ADCK1: variants seen among roughly 807,000 people sequenced by gnomAD.
The protein encoded by ADCK1 is aarF domain-containing protein kinase 1.
ADCK1 carries 41 observed loss-of-function variants against 52.3 expected under a neutral mutation model. The observed-to-expected ratio is 0.78, with a 90% confidence interval of 0.61 to 1.02. ADCK1 has a LOEUF of 1.02. Among genes scored for constraint, ADCK1 ranks in the 50% least tolerant of loss-of-function variants. The pLI, the probability that ADCK1 is intolerant of heterozygous loss-of-function variation, is 0.00. For missense variants in ADCK1, 658 were observed against 679.5 expected, an observed-to-expected ratio of 0.97 and a Z score of 0.35; for synonymous variants, 250 against 274.6, an observed-to-expected ratio of 0.91 and a Z score of 0.89.
chr14:77,814,587 A>G (rs1336463957), intron 1 of ADCK1, among the ~76,000 whole-genome samples: 5 of 148,284 alleles, frequency 3.4e-5, no homozygotes, highest in Non-Finnish European at 7.4e-5. Flanking sequence ...AAATTAGCCC[A>G]CTCCGGAGGC....
intron 7 of ADCK1, among the ~76,000 whole-genome samples, chr14:77,912,322 C>T (rs185799170): frequency 1.3e-5 from 2 of 152,214 alleles, no homozygotes; most frequent in East Asian, 3.9e-4. Context: ...TGTCACTTAC[C>T]ATCAGTAGTG....
At position 77,889,727 on chromosome 14, in the gene ADCK1, CAA is replaced by C. The variant is rs1434087724; in HGVS notation, c.582+2480_582+2481del. On this transcript the variant is annotated intron_variant, in intron 5 of 10. Transcript: ENST00000238561. ...AAAGTGAAATGGTCAATGCAGCAACCAAATAGGGTAAAATAGTGCTCTTGGCA... is the reference window on the plus strand; with the variant it reads ...AAAGTGAAATGGTCAATGCAGCAACCATAGGGTAAAATAGTGCTCTTGGCA... Among the ~76,000 whole-genome samples, 5 of 152,140 alleles carry C rather than the reference CAA, an allele frequency of 3.3e-5. No individual in the cohort carries two copies. The East Asian group carries it at 9.6e-4, about 29-fold the overall frequency.
At chr14:77,820,021 C>T (rs1007416363) in intron 2 of ADCK1, among the ~76,000 whole-genome samples, 9 of 152,168 alleles carry the variant, frequency 5.9e-5, no homozygotes, top group Admixed American at 2.6e-4. Context: ...AATCAGGCTA[C>T]GGAACATAAA....
rs191148610 is a variant in ADCK1, at chr14:77,850,711, C to T, written c.220-8365C>T. Reference sequence around the variant, plus strand: ...TGTTACCCAGGCTGGAGTGCAGTGGCGCAATATCTGCTCACTGCAAACTCC... The same window carrying T: ...TGTTACCCAGGCTGGAGTGCAGTGGTGCAATATCTGCTCACTGCAAACTCC... On this transcript the variant is annotated intron_variant, in intron 3 of 10. Coordinates refer to ENST00000238561, the MANE Select transcript of ADCK1 (RefSeq NM_020421.4). Among the ~76,000 whole-genome samples, 396 of 143,636 alleles carry T rather than the reference C, an allele frequency of 2.8e-3. 2 individuals carry two copies. Among genetic ancestry groups the T allele is most frequent in the Non-Finnish European group, 3.5e-3 (235 of 67,028 alleles). The allele number at this position is 143,636 out of a possible 152,430, so 94.2% of individuals were successfully genotyped here.
At position 77,813,539 on chromosome 14, in the gene ADCK1, G is replaced by C. The variant is rs144241112; in HGVS notation, c.-11-5429G>C. ...TTGGCCAGGCTGGTCTCAAACTCCTGACCTTGTGATCTGCCCGCCTTGGCG... is the reference window on the plus strand; with the variant it reads ...TTGGCCAGGCTGGTCTCAAACTCCTCACCTTGTGATCTGCCCGCCTTGGCG... On this transcript the variant is annotated intron_variant, in intron 1 of 10. Coordinates refer to ENST00000238561, the MANE Select transcript of ADCK1 (RefSeq NM_020421.4). Among the ~76,000 whole-genome samples, 807 of 152,290 alleles carry C rather than the reference G, an allele frequency of 5.3e-3. 3 individuals are homozygous for C. Among genetic ancestry groups the C allele is most frequent in the South Asian group, 8.5e-3 (41 of 4,828 alleles).
At chr14:77,918,996 A>T (rs2083988133) in intron 7 of ADCK1, among the ~76,000 whole-genome samples, 1 of 152,184 alleles carries the variant, frequency 6.6e-6, no homozygotes, top group Non-Finnish European at 1.5e-5. Context: ...ACGCCCATAA[A>T]CACCTGCTTC....
chr14:77,852,656 AATAAATATATATATATATATAT>A (rs1317412526), intron 3 of ADCK1, among the ~76,000 whole-genome samples: 5 of 26,188 alleles, frequency 1.9e-4, no homozygotes, highest in African/African-American at 2.7e-4. Flanking sequence ...TCTTTAAATA[AATAAATATATATATATATATAT>A]ATATATATAT....
At chr14:77,824,373 G>T (rs1203155862) in intron 3 of ADCK1, among the ~76,000 whole-genome samples, 2 of 151,378 alleles carry the variant, frequency 1.3e-5, no homozygotes, top group Non-Finnish European at 2.9e-5. Context: ...ATCTCTAATA[G>T]ATAGTCCATA....
chr14:77,809,037 A>G (rs1312139026), intron 1 of ADCK1, among the ~76,000 whole-genome samples: 1 of 152,198 alleles, frequency 6.6e-6, no homozygotes, highest in Non-Finnish European at 1.5e-5. Flanking sequence ...AAGAAGCTTC[A>G]TGGAAGGATA....
chr14:77,876,339 C>T (rs1486879689), intron 4 of ADCK1, among the ~76,000 whole-genome samples: 1 of 152,218 alleles, frequency 6.6e-6, no homozygotes, highest in Admixed American at 6.5e-5. Flanking sequence ...ACCTCTGCAT[C>T]TGTCATGTCA....
intron 10 of ADCK1, among the ~76,000 whole-genome samples, chr14:77,932,009 C>A (rs2140308319): frequency 6.6e-6 from 1 of 152,216 alleles, no homozygotes; most frequent in African/African-American, 2.4e-5. Flanking sequence ...GACTCAGGTT[C>A]TCTTGATCTC....
At chr14:77,814,418 T>C (rs2081398125) in intron 1 of ADCK1, among the ~76,000 whole-genome samples, 1 of 105,986 alleles carries the variant, frequency 9.4e-6, no homozygotes. Flanking sequence ...ATGAAGCCTC[T>C]CTTTACTGAA....
At chr14:77,832,937 C>T (rs1015361730) in intron 3 of ADCK1, among the ~76,000 whole-genome samples, 1 of 152,184 alleles carries the variant, frequency 6.6e-6, no homozygotes, top group Admixed American at 6.5e-5. Flanking sequence ...ATCCTTCCAT[C>T]CATCTATTAC....
chr14:77,921,867 G>A (rs75695592), intron 7 of ADCK1, among the ~76,000 whole-genome samples: 3,026 of 152,158 alleles, frequency 0.02, 94 homozygotes, highest in African/African-American at 0.069. Flanking sequence ...GTAATAGGGG[G>A]CCCAGAGCGA....
intron 6 of ADCK1, among the ~76,000 whole-genome samples, chr14:77,905,559 A>G (rs1330913038): frequency 6.6e-6 from 1 of 152,018 alleles, no homozygotes; most frequent in Non-Finnish European, 1.5e-5. Context: ...TCTTGTCTCC[A>G]GAGCCTTAGG....
At chr14:77,925,452 G>T (rs1022857460) in intron 8 of ADCK1, among the ~76,000 whole-genome samples, 2 of 152,198 alleles carry the variant, frequency 1.3e-5, no homozygotes, top group East Asian at 3.8e-4. Flanking sequence ...GCCACATTCC[G>T]TCAGTTGGGC....
chr14:77,906,571 A>C (rs1044508192), intron 6 of ADCK1, among the ~76,000 whole-genome samples: 2 of 152,186 alleles, frequency 1.3e-5, no homozygotes, highest in Non-Finnish European at 2.9e-5. Flanking sequence ...TAAACAAAAG[A>C]ATTTGTTGTC....
At chr14:77,852,005 A>T (rs566553182) in intron 3 of ADCK1, among the ~76,000 whole-genome samples, 2 of 147,088 alleles carry the variant, frequency 1.4e-5, no homozygotes, top group South Asian at 2.1e-4. Flanking sequence ...TATTTATTTA[A>T]TTTTTTTTTT....
intron 4 of ADCK1, 113 bp downstream of exon 4, chr14:77,859,392 C>A: frequency 2.8e-6 from 3 of 1,054,536 alleles, no homozygotes; most frequent in Non-Finnish European, 4.0e-6. Context: ...GACACAAAAC[C>A]AAATGTCACA....
Sources: gnomAD v4.1 joint callset for allele counts (sites outside exome capture counted in the v4.1 genomes callset) on GRCh38, gnomAD v4.1.1 for gene constraint, MANE v1.5 for transcripts, NCBI Gene and HGNC (gene_info 2026-07-23, HGNC 2026-07-21) for gene names.